The following EIPR1 variants were observed in gnomAD, a reference collection of about 807,000 sequenced individuals.
The protein encoded by EIPR1 is EARP and GARP complex-interacting protein 1.
Under a neutral mutation model 48.1 loss-of-function variants are expected in EIPR1, and 25 were observed. That is an observed-to-expected ratio of 0.52 (90% CI 0.38 to 0.73). EIPR1 has a LOEUF of 0.73. EIPR1 is among the 30% of genes least tolerant of loss of function. EIPR1 has a pLI of 0.00. For missense variants in EIPR1, 415 were observed against 506.2 expected (o/e 0.82, Z 1.73); for synonymous variants, 204 against 201.9 (o/e 1.01, Z -0.09).
Position 3,372,302 on chromosome 2 carries a change from T to C in EIPR1, c.42+5346A>G, listed in dbSNP as rs1659686278. Among the ~76,000 whole-genome samples the C allele has an allele frequency of 2.7e-5, 4 of 150,810 alleles. No individual in the cohort carries two copies. The South Asian group carries it at 8.4e-4, about 32-fold the overall frequency. On this transcript the variant is annotated intron_variant, in intron 1 of 8. Coordinates refer to ENST00000382125, the MANE Select transcript of EIPR1 (RefSeq NM_003310.5). ...GCAGGAAAGATCCAAAATTGACACC[T>C]AACATCACAATTAAAAGAACTAGAA...
At chr2:3,222,263 T>C (rs1400049851) in intron 4 of EIPR1, among the ~76,000 whole-genome samples, 4 of 152,258 alleles carry the variant, frequency 2.6e-5, no homozygotes, top group Admixed American at 1.3e-4. Flanking sequence ...GGGAGAGGAC[T>C]GTATTTCCTG....
intron 3 of EIPR1, among the ~76,000 whole-genome samples, chr2:3,332,676 T>C (rs966202049): frequency 1.3e-5 from 2 of 152,224 alleles, no homozygotes; most frequent in Admixed American, 6.5e-5. Flanking sequence ...TTTGCTTTCA[T>C]GGAGATGCAT....
At chr2:3,273,156 G>C (rs1463930936) in intron 3 of EIPR1, among the ~76,000 whole-genome samples, 1 of 152,162 alleles carries the variant, frequency 6.6e-6, no homozygotes, top group Non-Finnish European at 1.5e-5. Context: ...ATAGATTCTA[G>C]GACTTTGGAT....
At chr2:3,345,815 G>A (rs1670382302) in intron 2 of EIPR1, among the ~76,000 whole-genome samples, 2 of 152,010 alleles carry the variant, frequency 1.3e-5, no homozygotes, top group Admixed American at 1.3e-4. Context: ...GCGGCCCCGG[G>A]GCACCACGCT....
intron 5 of EIPR1, among the ~76,000 whole-genome samples, chr2:3,199,036 A>G (rs910667705): frequency 1.2e-5 from 1 of 83,278 alleles, no homozygotes; most frequent in South Asian, 4.8e-4. Flanking sequence ...TATGGCAGAC[A>G]CCCCCAGAGT....
intron 4 of EIPR1, among the ~76,000 whole-genome samples, chr2:3,232,762 C>T (rs1371168316): frequency 1.3e-5 from 2 of 152,190 alleles, no homozygotes; most frequent in Non-Finnish European, 2.9e-5. Flanking sequence ...ATTTAGTCAG[C>T]AGCCCCGTGG....
At chr2:3,278,949 GAGTTCACCT>G (rs1183516768) in intron 3 of EIPR1, among the ~76,000 whole-genome samples, 1 of 152,320 alleles carries the variant, frequency 6.6e-6, no homozygotes, top group Admixed American at 6.5e-5. Context: ...GTTGATACGT[GAGTTCACCT>G]GTGCTCTGAG....
At chr2:3,328,268 G>A (rs1669759870) in intron 3 of EIPR1, among the ~76,000 whole-genome samples, 1 of 152,210 alleles carries the variant, frequency 6.6e-6, no homozygotes, top group African/African-American at 2.4e-5. Context: ...TCCACCTGGG[G>A]GGTGCCACCC....
chr2:3,284,129 G>A (rs1315838275), intron 3 of EIPR1, among the ~76,000 whole-genome samples: 1 of 151,714 alleles, frequency 6.6e-6, no homozygotes, highest in Non-Finnish European at 1.5e-5. Flanking sequence ...GGTAAGGTGG[G>A]CACATGGAGA....
intron 4 of EIPR1, among the ~76,000 whole-genome samples, chr2:3,238,552 T>C (rs1376729909): frequency 6.6e-6 from 1 of 152,236 alleles, no homozygotes; most frequent in Non-Finnish European, 1.5e-5. Flanking sequence ...ACTGCCACTG[T>C]GGCCCAGAGT....
intron 3 of EIPR1, among the ~76,000 whole-genome samples, chr2:3,289,258 T>C (rs184795564): frequency 6.6e-6 from 1 of 152,294 alleles, no homozygotes; most frequent in African/African-American, 2.4e-5. Context: ...GTCTCTCTCT[T>C]CTCTCTGGGT....
intron 4 of EIPR1, among the ~76,000 whole-genome samples, chr2:3,255,065 T>A (rs750380871): frequency 6.6e-6 from 1 of 152,164 alleles, no homozygotes; most frequent in Non-Finnish European, 1.5e-5. Flanking sequence ...ATATATTGGA[T>A]AACAAAATGG....
At chr2:3,236,498 C>T (rs1666409500) in intron 4 of EIPR1, among the ~76,000 whole-genome samples, 1 of 152,176 alleles carries the variant, frequency 6.6e-6, no homozygotes, top group Admixed American at 6.5e-5. Context: ...TGGCTGAAAA[C>T]CACACCTGAG....
chr2:3,273,379 G>GA (rs2103248221), intron 3 of EIPR1, among the ~76,000 whole-genome samples: 1 of 152,284 alleles, frequency 6.6e-6, no homozygotes, highest in South Asian at 2.1e-4. Context: ...GATAGAACGG[G>GA]AAAGTAAGCT....
rs1668194404 is a variant in EIPR1, at chr2:3,286,638, A to C, written c.260-29183T>G. On this transcript the variant is annotated intron_variant, in intron 3 of 8. Coordinates refer to ENST00000382125, the MANE Select transcript of EIPR1 (RefSeq NM_003310.5). This position sits in a 1 kb window ranked among gnomAD's most constrained non-coding sequence, Gnocchi z 4.2. The stretch of plus-strand genomic sequence containing the variant: ...AGGGGAGCAGGGGATCTCACAGTCC[A>C]GAGTGCCCCGCAGAGCACCCGAGAC... Among the ~76,000 whole-genome samples, 1 of 152,246 alleles carries C rather than the reference A, an allele frequency of 6.6e-6. No individual in the cohort carries two copies. Among genetic ancestry groups the C allele is most frequent in the African/African-American group, 2.4e-5 (1 of 41,472 alleles).
At chr2:3,352,781 G>A (rs1427360250) in intron 2 of EIPR1, among the ~76,000 whole-genome samples, 1 of 152,240 alleles carries the variant, frequency 6.6e-6, no homozygotes, top group East Asian at 1.9e-4. Flanking sequence ...CAGATAACCT[G>A]AGGTCAGGAG....
chr2:3,365,989 AGCCACCCC>A (rs1670965609), intron 1 of EIPR1, among the ~76,000 whole-genome samples: 1 of 43,120 alleles, frequency 2.3e-5, no homozygotes. Flanking sequence ...CCGCCCGGCC[AGCCACCCC>A]GTCCGAGAGA....
At chr2:3,278,841 CAGG>C (rs1168940468) in intron 3 of EIPR1, among the ~76,000 whole-genome samples, 1 of 152,178 alleles carries the variant, frequency 6.6e-6, no homozygotes, top group Non-Finnish European at 1.5e-5. Context: ...CTGCCCTGTG[CAGG>C]GAGGAGGTCA....
rs957635404 is a variant in EIPR1, at chr2:3,371,980, A to G, written c.42+5668T>C. 4.6e-5 allele frequency among the ~76,000 whole-genome samples: 7 copies of G among 152,276 alleles called. No homozygotes were observed. In the East Asian group the frequency reaches 1.2e-3, roughly 25 times the overall value. On this transcript the variant is annotated intron_variant, in intron 1 of 8. Coordinates refer to ENST00000382125, the MANE Select transcript of EIPR1 (RefSeq NM_003310.5). Reference sequence around the variant, plus strand: ...ATTCCAAAATTGACCACATAGTTGGAAGTAAAGCTCTCCTCAGCAAATGTA... The same window carrying G: ...ATTCCAAAATTGACCACATAGTTGGGAGTAAAGCTCTCCTCAGCAAATGTA...
Sources: gnomAD v4.1 joint callset for allele counts (sites outside exome capture counted in the v4.1 genomes callset) on GRCh38, gnomAD v4.1.1 for gene constraint, Gnocchi (gnomAD v3.1) non-coding constraint, MANE v1.5 for transcripts, NCBI Gene and HGNC (gene_info 2026-07-23, HGNC 2026-07-21) for gene names.